POLN: variants seen among roughly 807,000 people sequenced by gnomAD.
POLN encodes DNA polymerase N.
A neutral mutation model predicts 113.5 loss-of-function variants in POLN; 108 were observed. The observed-to-expected ratio is 0.95, with a 90% CI of 0.81 to 1.12. The LOEUF is 1.12. POLN is among the 50% of genes most tolerant of loss of function. The pLI, the probability that POLN is intolerant of heterozygous loss-of-function variation, is 0.00. For synonymous variants in POLN, 386 were observed against 391.5 expected (o/e 0.99, Z 0.17); for missense variants, 1,097 against 1,077.1 (o/e 1.02, Z -0.26).
chr4:2,144,482 G>T (rs1577720335), intron 16 of POLN, among the ~76,000 whole-genome samples: 2 of 152,000 alleles, frequency 1.3e-5, no homozygotes, highest in East Asian at 3.9e-4. Context: ...TTAACTAGAA[G>T]AATTCATTCA....
chr4:2,111,776 A>T (rs1219416400), intron 19 of POLN, among the ~76,000 whole-genome samples: 1 of 152,154 alleles, frequency 6.6e-6, no homozygotes, highest in Non-Finnish European at 1.5e-5. Flanking sequence ...CCATGCTCAT[A>T]AGTAGGAAGA....
intron 3 of POLN, among the ~76,000 whole-genome samples, chr4:2,225,617 T>A (rs1375865398): frequency 1.3e-5 from 2 of 150,996 alleles, no homozygotes; most frequent in Non-Finnish European, 3.0e-5. Context: ...TTTGTTTGTT[T>A]TTTCTAAAAA....
At chr4:2,161,951 T>C (rs1462115218) in intron 13 of POLN, among the ~76,000 whole-genome samples, 2 of 152,020 alleles carry the variant, frequency 1.3e-5, no homozygotes, top group Non-Finnish European at 1.5e-5. Flanking sequence ...GCTAATCTGG[T>C]GGGGATATGG....
At chr4:2,232,014 AT>A (rs1734597736) in intron 2 of POLN, 1 of 1,506,808 alleles carries the variant, frequency 6.6e-7, no homozygotes, top group African/African-American at 1.4e-5. Context: ...CTTTTAAAAA[AT>A]ATACATAGAA....
At chr4:2,212,956 A>G in intron 4 of POLN, 91 bp downstream of exon 4, 1 of 785,028 alleles carries the variant, frequency 1.3e-6, no homozygotes. Context: ...TGTGGTATCT[A>G]CAGTGCCTAG....
intron 19 of POLN, among the ~76,000 whole-genome samples, chr4:2,120,864 A>G (rs1180781066): frequency 6.6e-6 from 1 of 152,224 alleles, no homozygotes; most frequent in Non-Finnish European, 1.5e-5. Flanking sequence ...GTCAATTTAT[A>G]TAAATGTGAC....
intron 21 of POLN, 29 bp downstream of exon 21, chr4:2,085,584 G>C: frequency 1.9e-6 from 3 of 1,612,564 alleles, no homozygotes; most frequent in Non-Finnish European, 2.5e-6. Context: ...TTGGCAGGGA[G>C]CAGGGAGCTC....
chr4:2,182,568 A>G (rs1733170063), intron 7 of POLN, among the ~76,000 whole-genome samples: 2 of 152,214 alleles, frequency 1.3e-5, no homozygotes, highest in South Asian at 4.1e-4. Flanking sequence ...AACTGTAAGA[A>G]AATAAATTTT....
intron 17 of POLN, among the ~76,000 whole-genome samples, chr4:2,129,996 G>A (rs993587515): frequency 1.3e-4 from 19 of 151,810 alleles, no homozygotes; most frequent in African/African-American, 4.1e-4. Flanking sequence ...GCTCACACCT[G>A]TAATCCCAGC....
intron 25 of POLN, among the ~76,000 whole-genome samples, chr4:2,072,719 G>A (rs1730179268): frequency 6.6e-6 from 1 of 152,344 alleles, no homozygotes; most frequent in South Asian, 2.1e-4. Flanking sequence ...AGTGGACCAA[G>A]CCTTCACAGC....
chr4:2,072,348 C>T (rs760118912), intron 25 of POLN, 49 bp from the exon 26 acceptor site: 16 of 1,452,810 alleles, frequency 1.1e-5, no homozygotes, highest in Middle Eastern at 2.4e-4. Context: ...CAGCCACCCC[C>T]AGCCACCTCC....
At chr4:2,230,407 T>C (rs1734538686) in intron 2 of POLN, 1 of 152,070 alleles carries the variant, frequency 6.6e-6, no homozygotes, top group Admixed American at 6.6e-5. Flanking sequence ...TTCCACATTT[T>C]TGGAGAAAAT....
chr4:2,191,334 G>A (rs1462761083), intron 7 of POLN, among the ~76,000 whole-genome samples: 2 of 151,358 alleles, frequency 1.3e-5, no homozygotes, highest in Non-Finnish European at 3.0e-5. Flanking sequence ...GTCAGGAAGG[G>A]TAAGGGGGCG....
At chr4:2,154,418 T>A (rs765243462) in intron 16 of POLN, among the ~76,000 whole-genome samples, 1 of 152,034 alleles carries the variant, frequency 6.6e-6, no homozygotes, top group South Asian at 2.1e-4. Context: ...CAAAGAAGAA[T>A]AATTGTTTCA....
intron 3 of POLN, among the ~76,000 whole-genome samples, chr4:2,214,916 TAC>T (rs1219870336): frequency 7.9e-5 from 12 of 151,382 alleles, no homozygotes; most frequent in Non-Finnish European, 1.6e-4. Flanking sequence ...TATATACATA[TAC>T]ATATATATGT....
intron 19 of POLN, among the ~76,000 whole-genome samples, chr4:2,124,085 C>T (rs1203066770): frequency 6.6e-6 from 1 of 152,014 alleles, no homozygotes; most frequent in Non-Finnish European, 1.5e-5. Flanking sequence ...GCAAAAGAAG[C>T]CAGATACAAA....
chr4:2,097,373 CAG>C (rs1218332473), intron 19 of POLN, among the ~76,000 whole-genome samples: 3 of 141,100 alleles, frequency 2.1e-5, no homozygotes, highest in Admixed American at 7.0e-5. Flanking sequence ...TTTTTTGAGA[CAG>C]AGTCTTACTC....
chr4:2,189,407 A>C (rs1373085713), intron 7 of POLN, among the ~76,000 whole-genome samples: 1 of 152,172 alleles, frequency 6.6e-6, no homozygotes, highest in Non-Finnish European at 1.5e-5. Context: ...TGGGAGGCTG[A>C]GGTGGGTGGA....
chr4:2,187,320 T>G (rs1733302391), intron 7 of POLN, among the ~76,000 whole-genome samples: 1 of 152,214 alleles, frequency 6.6e-6, no homozygotes, highest in Non-Finnish European at 1.5e-5. Flanking sequence ...CTTGGCTCAT[T>G]GCAACCTCTG....
Sources: allele counts gnomAD v4.1 joint callset (sites outside exome capture counted in the v4.1 genomes callset), GRCh38; gene constraint gnomAD v4.1.1; transcripts MANE v1.5; gene names NCBI Gene and HGNC (gene_info 2026-07-23, HGNC 2026-07-21).